The following CCSER2 variants were observed in gnomAD, a reference collection of about 807,000 sequenced individuals.
The protein encoded by CCSER2 is serine-rich coiled-coil domain-containing protein 2.
CCSER2 carries 46 observed loss-of-function variants against 92.3 expected under a neutral mutation model. The ratio of observed to expected loss-of-function variants is 0.50; its 90% CI spans 0.39 to 0.64. The LOEUF is 0.64. CCSER2 is among the 30% of genes least tolerant of loss of function. The pLI, the probability that CCSER2 is intolerant of heterozygous loss-of-function variation, is 0.00. For missense variants in CCSER2, 1,244 were observed against 1,238.9 expected (o/e 1.00, Z -0.06); for synonymous variants, 433 against 431.4 (o/e 1.00, Z -0.04).
At chr10:84,405,556 AT>A (rs1483439690) in intron 3 of CCSER2, among the ~76,000 whole-genome samples, 3 of 152,208 alleles carry the variant, frequency 2.0e-5, no homozygotes, top group Non-Finnish European at 4.4e-5. Flanking sequence ...TGACTCACAT[AT>A]CTGTCAAAAG....
At chr10:84,428,979 G>GAGTGTGTATATA (rs1346642652) in intron 5 of CCSER2, among the ~76,000 whole-genome samples, 9 of 58,400 alleles carry the variant, frequency 1.5e-4, no homozygotes, top group Non-Finnish European at 3.7e-4. Flanking sequence ...TTTTGTGTGT[G>GAGTGTGTATATA]TATGTGTATA....
intron 3 of CCSER2, among the ~76,000 whole-genome samples, chr10:84,416,314 G>A (rs1396235197): frequency 1.3e-5 from 2 of 152,130 alleles, no homozygotes; most frequent in African/African-American, 4.8e-5. Flanking sequence ...TTCAGTTGAA[G>A]GTGCTGAGTT....
chr10:84,347,511 C>T (rs190224476), intron 1 of CCSER2, among the ~76,000 whole-genome samples: 3 of 149,856 alleles, frequency 2.0e-5, no homozygotes, highest in African/African-American at 7.4e-5. Context: ...GGGGCTGACC[C>T]CCCACCTCCC....
Position 84,515,040 on chromosome 10 carries a change from C to T in CCSER2, c.*773C>T, listed in dbSNP as rs1849549655. 6.6e-6 allele frequency: 1 copy of T among 152,644 alleles called. No individual in the cohort carries two copies. Among genetic ancestry groups the T allele is most frequent in the South Asian group, 2.1e-4 (1 of 4,828 alleles). 9.5% of individuals were successfully genotyped at this position (152,644 alleles called of 1,614,324 possible). A position where few individuals can be genotyped will look rare whatever the true frequency, so the allele number is the denominator to read the frequency against. On this transcript the variant is annotated 3_prime_UTR_variant, in exon 10 of 10. Coordinates refer to ENST00000372088, the MANE Select transcript of CCSER2 (RefSeq NM_001284240.2). ...GGTAAATTTTGGAGCGCTTGAGATA[C>T]ACCTTGAAACCTGTACCTAAAGATG...
intron 1 of CCSER2, among the ~76,000 whole-genome samples, chr10:84,353,187 C>T (rs1844961007): frequency 6.6e-6 from 1 of 152,146 alleles, no homozygotes; most frequent in Admixed American, 6.5e-5. Flanking sequence ...GTCATGTTCT[C>T]CTCTTTTGTT....
chr10:84,441,736 G>GTTTTTTTTTTTTTTTTTTTT (rs869280119), intron 6 of CCSER2, among the ~76,000 whole-genome samples: 2 of 43,598 alleles, frequency 4.6e-5, no homozygotes, highest in Non-Finnish European at 4.8e-5. Flanking sequence ...CTGGGAAAAT[G>GTTTTTTTTTTTTTTTTTTTT]TTTTTTTTTT....
intron 1 of CCSER2, among the ~76,000 whole-genome samples, chr10:84,333,670 G>T (rs1368402249): frequency 2.0e-5 from 3 of 152,176 alleles, no homozygotes; most frequent in Admixed American, 2.0e-4. Flanking sequence ...AATAGGAAGT[G>T]GTTGAAATAT....
At chr10:84,384,942 A>G (rs758005226) in intron 3 of CCSER2, among the ~76,000 whole-genome samples, 2 of 152,096 alleles carry the variant, frequency 1.3e-5, no homozygotes, top group Admixed American at 6.6e-5. Context: ...AAAAATTGGT[A>G]TATCCATACA....
intron 3 of CCSER2, chr10:84,391,929 A>T: frequency 7.4e-7 from 1 of 1,346,576 alleles, no homozygotes; most frequent in Non-Finnish European, 1.1e-6. Context: ...TCAGAGACAC[A>T]TTCGGTGTAA....
At chr10:84,478,193 A>G (rs1034489874) in intron 9 of CCSER2, among the ~76,000 whole-genome samples, 3 of 152,224 alleles carry the variant, frequency 2.0e-5, no homozygotes, top group Non-Finnish European at 2.9e-5. Context: ...GGAAGTAACT[A>G]TGTATTCCAT....
chr10:84,500,444 A>G (rs955973256), intron 9 of CCSER2, among the ~76,000 whole-genome samples: 1 of 152,244 alleles, frequency 6.6e-6, no homozygotes, highest in Non-Finnish European at 1.5e-5. Context: ...GTCATCTAAA[A>G]TAAAGATATT....
At chr10:84,379,897 C>T (rs1222604747) in intron 3 of CCSER2, among the ~76,000 whole-genome samples, 1 of 152,146 alleles carries the variant, frequency 6.6e-6, no homozygotes, top group Non-Finnish European at 1.5e-5. Flanking sequence ...TGCTAATCTA[C>T]ATTTCAGTTA....
chr10:84,456,021 T>G (rs1006136192), intron 6 of CCSER2: 7 of 511,204 alleles, frequency 1.4e-5, no homozygotes, highest in East Asian at 4.7e-5. Flanking sequence ...CACCTTTGCT[T>G]CTTCTAGATG....
chr10:84,507,575 T>C (rs1382028851), intron 9 of CCSER2, among the ~76,000 whole-genome samples: 1 of 152,200 alleles, frequency 6.6e-6, no homozygotes, highest in Non-Finnish European at 1.5e-5. Context: ...ATTATTACAC[T>C]TTAGAACATT....
intron 3 of CCSER2, among the ~76,000 whole-genome samples, chr10:84,381,648 C>T (rs1840910979): frequency 1.3e-5 from 2 of 152,080 alleles, no homozygotes; most frequent in Admixed American, 1.3e-4. Context: ...CCACGGTGGG[C>T]CGGGCGCGGT....
chr10:84,355,543 G>A (rs565652496), intron 1 of CCSER2, among the ~76,000 whole-genome samples: 1 of 152,150 alleles, frequency 6.6e-6, no homozygotes, highest in East Asian at 1.9e-4. Flanking sequence ...CATATACTCT[G>A]CTCTAGCAGT....
intron 1 of CCSER2, among the ~76,000 whole-genome samples, chr10:84,370,311 A>G (rs997621696): frequency 7.2e-5 from 11 of 152,250 alleles, no homozygotes; most frequent in African/African-American, 2.6e-4. Context: ...TTCTTTCAGA[A>G]GTGTTTTGCA....
intron 6 of CCSER2, among the ~76,000 whole-genome samples, chr10:84,448,430 C>G (rs1325523491): frequency 6.6e-6 from 1 of 152,082 alleles, no homozygotes; most frequent in East Asian, 1.9e-4. Context: ...TGGTAAGCTG[C>G]CTCCCTATGG....
At chr10:84,340,339 C>T (rs1208346264) in intron 1 of CCSER2, among the ~76,000 whole-genome samples, 1 of 151,988 alleles carries the variant, frequency 6.6e-6, no homozygotes, top group Admixed American at 6.6e-5. Context: ...GCTCTCTTGC[C>T]CCCACTTATA....
Sources: allele counts gnomAD v4.1 joint callset (sites outside exome capture counted in the v4.1 genomes callset), GRCh38; gene constraint gnomAD v4.1.1; transcripts MANE v1.5; gene names NCBI Gene and HGNC (gene_info 2026-07-23, HGNC 2026-07-21).